KIAA0319L: variants seen among roughly 807,000 people sequenced by gnomAD.
The protein encoded by KIAA0319L is KIAA0319 like.
A neutral mutation model predicts 120.1 loss-of-function variants in KIAA0319L; 55 were observed. The observed-to-expected ratio is 0.46, with a 90% CI of 0.37 to 0.57. The LOEUF (loss-of-function observed/expected upper bound fraction) is 0.57. Ranked by LOEUF, KIAA0319L falls within the 20% of genes least tolerant of loss-of-function variation. The pLI is 0.00. For synonymous variants in KIAA0319L, 398 were observed against 471.9 expected (o/e 0.84, Z 2.03); for missense variants, 1,049 against 1,255.3 (o/e 0.84, Z 2.48).
intron 2 of KIAA0319L, among the ~76,000 whole-genome samples, chr1:35,515,925 C>T (rs1202496009): frequency 1.3e-5 from 2 of 152,172 alleles, no homozygotes; most frequent in Non-Finnish European, 2.9e-5. Context: ...TTGATCACCT[C>T]TATGCATACA....
intron 2 of KIAA0319L, among the ~76,000 whole-genome samples, chr1:35,516,633 G>A (rs577656278): frequency 3.3e-5 from 5 of 152,122 alleles, no homozygotes; most frequent in African/African-American, 7.2e-5. Flanking sequence ...CATTCCCTTC[G>A]AAAACCAGCA....
rs572342131 is a variant in KIAA0319L, at chr1:35,541,353, T to C, written c.142+12997A>G. On this transcript the variant is annotated intron_variant, in intron 2 of 20. Transcript: ENST00000325722. The stretch of plus-strand genomic sequence containing the variant: ...TACTTCTTTTTTTTTTTTTTCCTTT[T>C]TTTTTTTTTTTTTTGAGATGGAATC... Among the ~76,000 whole-genome samples the C allele has an allele frequency of 7.6e-3, 1,076 of 141,222 alleles. 12 individuals carry two copies. The highest frequency in any genetic ancestry group is 0.029 in the African/African-American group (1,034 of 35,188). 92.6% of individuals were successfully genotyped at this position (141,222 alleles called of 152,430 possible).
At position 35,485,830 on chromosome 1, in the gene KIAA0319L, G is replaced by C. The variant is rs1463603012; in HGVS notation, c.667-6618C>G. On this transcript the variant is annotated intron_variant, in intron 3 of 20. Transcript: ENST00000325722. ...TTTTTTTCCTTTTCAATTGAGACGG[G>C]GTCTCACTATGTTGAGTTCCAGGCT... Among the ~76,000 whole-genome samples the C allele has an allele frequency of 2.6e-5, 4 of 152,030 alleles. No individual in the cohort carries two copies. The East Asian group carries it at 7.7e-4, about 29-fold the overall frequency.
intron 2 of KIAA0319L, among the ~76,000 whole-genome samples, chr1:35,532,167 A>C (rs531524744): frequency 6.6e-5 from 10 of 151,664 alleles, no homozygotes; most frequent in Admixed American, 4.6e-4. Flanking sequence ...CATTGAACAC[A>C]GGAGGCAGAG....
chr1:35,530,345 T>C (rs1234285260), intron 2 of KIAA0319L, among the ~76,000 whole-genome samples: 1 of 152,150 alleles, frequency 6.6e-6, no homozygotes, highest in Non-Finnish European at 1.5e-5. Flanking sequence ...AAATTCTTTC[T>C]TCTGCTTTAT....
intron 17 of KIAA0319L, 123 bp downstream of exon 17, chr1:35,444,038 C>A: frequency 1.2e-6 from 1 of 843,438 alleles, no homozygotes; most frequent in Non-Finnish European, 1.8e-6. Context: ...AATAGTAGTG[C>A]AAGAGAATGA....
In KIAA0319L at chr1:35,466,670, T is replaced by G; in HGVS notation, c.1139A>C (p.Lys380Thr). 1 of 1,613,374 alleles carries G rather than the reference T, an allele frequency of 6.2e-7. No individual in the cohort carries two copies. The highest frequency in any genetic ancestry group is 1.1e-5 in the South Asian group (1 of 91,056). The stretch of plus-strand genomic sequence containing the variant: ...GGCATTTTGACCCTCTACAATCACT[T>G]TGAATTCATACAGGCCTGGAGTGAG... ...SKLTPGLYEF[K>T]VIVEGQNAHG... Residue 380 changes from lysine to threonine, a missense_variant, in exon 7 of 21, where the codon AAA (lysine) becomes ACA (threonine). Coordinates refer to ENST00000325722, the MANE Select transcript of KIAA0319L (RefSeq NM_024874.5).
intron 3 of KIAA0319L, among the ~76,000 whole-genome samples, chr1:35,481,755 T>G (rs1644172844): frequency 6.6e-6 from 1 of 151,682 alleles, no homozygotes; most frequent in African/African-American, 2.4e-5. Context: ...TTCCAAAGAT[T>G]CCTCATGCTC....
chr1:35,550,883 A>C (rs899325337), intron 2 of KIAA0319L, among the ~76,000 whole-genome samples: 1 of 152,130 alleles, frequency 6.6e-6, no homozygotes, highest in African/African-American at 2.4e-5. Flanking sequence ...TTAAAATATG[A>C]ATTTTAAGAC....
intron 2 of KIAA0319L, among the ~76,000 whole-genome samples, chr1:35,527,341 A>G (rs1426189875): frequency 6.6e-6 from 1 of 152,082 alleles, no homozygotes; most frequent in Non-Finnish European, 1.5e-5. Context: ...ATTGACCTGT[A>G]GTTTTCTTTT....
rs1442805201 is a variant in KIAA0319L, at chr1:35,506,503, C to G, written c.666+109G>C. 9.4e-7 allele frequency: 1 copy of G among 1,063,010 alleles called. No individual in the cohort carries two copies. Among genetic ancestry groups the G allele is most frequent in the Non-Finnish European group, 1.4e-6 (1 of 727,700 alleles). 65.8% of individuals were successfully genotyped at this position (1,063,010 alleles called of 1,614,324 possible). On this transcript the variant is annotated intron_variant, in intron 3 of 20. Transcript: ENST00000325722. This position sits in a 1 kb window ranked among gnomAD's most constrained non-coding sequence, Gnocchi z 4.0. ...GACACCAAGCAGCTTTATATATACA[C>G]TCCTCAGCCTATGAGCACTGCCCGC...
chr1:35,495,242 G>A (rs1644756149), intron 3 of KIAA0319L, among the ~76,000 whole-genome samples: 1 of 152,052 alleles, frequency 6.6e-6, no homozygotes, highest in African/African-American at 2.4e-5. Flanking sequence ...GCGTGGTGGT[G>A]CACACCTGTA....
At position 35,454,372 on chromosome 1, in the gene KIAA0319L, A is replaced by T; in HGVS notation, c.1770T>A (p.Ile590=). ...AAGGCTGGAGCTTACCAGGTTGCAC[A>T]ATAACAGTCACTTGAGCAGTGGCCT... ...GQQATAQVTV[I]VQPENNKPPQ... The change falls in exon 11 of 21, where the codon ATT becomes ATA. Residue 590 remains isoleucine (I), a synonymous_variant. Transcript: ENST00000325722. 6.2e-7 allele frequency: 1 copy of T among 1,614,028 alleles called. No individual in the cohort carries two copies. The highest frequency in any genetic ancestry group is 8.5e-7 in the Non-Finnish European group (1 of 1,179,894).
At chr1:35,510,110 G>A (rs1180013825) in intron 2 of KIAA0319L, 3 of 152,110 alleles carry the variant, frequency 2.0e-5, no homozygotes, top group Non-Finnish European at 4.4e-5. Flanking sequence ...AGTACAATTC[G>A]AATACAACTC....
intron 8 of KIAA0319L, among the ~76,000 whole-genome samples, chr1:35,461,417 G>C (rs1642880986): frequency 6.6e-6 from 1 of 152,096 alleles, no homozygotes; most frequent in Non-Finnish European, 1.5e-5. Context: ...AGTGAGCCAA[G>C]ATTGTGCCAT....
rs577194387 is a variant in KIAA0319L, at chr1:35,444,122, T to C, written c.2656+39A>G. On this transcript the variant is annotated intron_variant, in intron 17 of 20. Coordinates refer to ENST00000325722, the MANE Select transcript of KIAA0319L (RefSeq NM_024874.5). ...GGACCAATGGGTGAGCTGCAGGCAC[T>C]AGGTAGGCTCTTGCTCCCAAATTCC... is the stretch of plus-strand genomic sequence containing the variant. 727 of 1,540,888 alleles carry C rather than the reference T, an allele frequency of 4.7e-4. 4 individuals carry two copies. The South Asian group carries it at 8.5e-3, about 18-fold the overall frequency.
intron 1 of KIAA0319L, chr1:35,554,948 T>A (rs942178197): frequency 3.3e-5 from 5 of 153,300 alleles, no homozygotes; most frequent in African/African-American, 1.2e-4. Context: ...ACCTGAGGGT[T>A]ATGTCTGGCC....
intron 3 of KIAA0319L, among the ~76,000 whole-genome samples, chr1:35,501,060 T>C (rs1023953654): frequency 5.3e-5 from 8 of 152,094 alleles, no homozygotes; most frequent in Non-Finnish European, 1.5e-5. Context: ...ATAGTTCAAA[T>C]TCAATATTCC....
At chr1:35,494,514 G>T (rs549553740) in intron 3 of KIAA0319L, among the ~76,000 whole-genome samples, 1 of 152,066 alleles carries the variant, frequency 6.6e-6, no homozygotes, top group Admixed American at 6.6e-5. Context: ...CTAGAGTTAG[G>T]CCGGGTGTGG....
Sources: gnomAD v4.1 joint callset for allele counts (sites outside exome capture counted in the v4.1 genomes callset) on GRCh38, gnomAD v4.1.1 for gene constraint, Gnocchi (gnomAD v3.1) non-coding constraint, MANE v1.5 for transcripts, NCBI Gene and HGNC (gene_info 2026-07-23, HGNC 2026-07-21) for gene names.